Variants in MYH8 observed in about 807,000 individuals in gnomAD.
The protein encoded by MYH8 is myosin-8.
Under a neutral mutation model 233.2 loss-of-function variants are expected in MYH8, and 168 were observed. The observed-to-expected ratio is 0.72, with a 90% CI of 0.64 to 0.82. MYH8 has a LOEUF of 0.82. Ranked by LOEUF, MYH8 falls within the 40% of genes least tolerant of loss-of-function variation. MYH8 has a pLI of 0.00. For missense variants in MYH8, 1,995 were observed against 2,327.8 expected, an observed-to-expected ratio of 0.86 and a Z score of 2.94; for synonymous variants, 785 against 850.6, an observed-to-expected ratio of 0.92 and a Z score of 1.34.
intron 22 of MYH8, 106 bp downstream of exon 22, chr17:10,404,224 C>CA: frequency 7.0e-7 from 1 of 1,428,050 alleles, no homozygotes; most frequent in South Asian, 1.2e-5. Context: ...TTAAAAACAG[C>CA]AACTTGAGAT....
At chr17:10,409,240 G>A (rs1414491687) in intron 16 of MYH8, 39 bp downstream of exon 16, 2 of 1,613,406 alleles carry the variant, frequency 1.2e-6, no homozygotes, top group South Asian at 2.2e-5. Context: ...AACATTATGT[G>A]AGAATGGATT....
chr17:10,408,954 A>G (rs534927601), intron 17 of MYH8, 143 bp downstream of exon 17: 13 of 753,852 alleles, frequency 1.7e-5, no homozygotes, highest in Admixed American at 1.5e-4. Flanking sequence ...CAGGAGTAGT[A>G]TTTCTTTGGC....
intron 9 of MYH8, 128 bp downstream of exon 9, chr17:10,414,988 G>C (rs2072276350): frequency 1.2e-6 from 1 of 857,666 alleles, no homozygotes; most frequent in Admixed American, 1.7e-5. Flanking sequence ...CCTAGCATTA[G>C]CTTACAGGCA....
rs760715661 is a variant in MYH8 at position 10,396,888 on chromosome 17, T to C, written c.4277A>G (p.Asn1426Ser). The C allele has an allele frequency of 1.9e-6, 3 of 1,614,206 alleles. No homozygotes were observed. The highest frequency in any genetic ancestry group is 2.5e-6 in the Non-Finnish European group (3 of 1,180,032). ...ATCAAGCATGAGGTCTTCAACTTCA[T>C]TCTGGAGCCGCTGCTTCGTCTTCTC... is the stretch of plus-strand genomic sequence containing the variant. ...SLEKTKQRLQNEVEDLMLDVE... is the reference protein window; with the variant it reads ...SLEKTKQRLQSEVEDLMLDVE... The change falls in exon 31 of 40, where the codon AAT (asparagine) becomes AGT (serine). Residue 1426 changes from asparagine to serine, a missense_variant. This residue lies in a region of MYH8 where 1,498 missense variants were observed against 1,680.9 expected (regional missense o/e 0.89). Coordinates refer to ENST00000403437, the MANE Select transcript of MYH8 (RefSeq NM_002472.3). This position sits in a 1 kb window ranked among gnomAD's most constrained non-coding sequence, Gnocchi z 4.2.
rs1252673890 is a variant in MYH8, at chr17:10,396,283, G to T, written c.4653+47C>A. The T allele has an allele frequency of 1.9e-6, 3 of 1,606,610 alleles. No homozygotes were observed. The highest frequency in any genetic ancestry group is 8.5e-7 in the Non-Finnish European group (1 of 1,176,498). On this transcript the variant is annotated intron_variant, in intron 33 of 39. Coordinates refer to ENST00000403437, the MANE Select transcript of MYH8 (RefSeq NM_002472.3). This position sits in a 1 kb window ranked among gnomAD's most constrained non-coding sequence, Gnocchi z 4.2. Reference sequence around the variant, plus strand: ...TCACTAGCCCCACTTTTTTTTAACTGATGTTTGTCTTTGTTTTTCCATAAC... The same window carrying T: ...TCACTAGCCCCACTTTTTTTTAACTTATGTTTGTCTTTGTTTTTCCATAAC...
Position 10,400,812 on chromosome 17 carries a change from C to T in MYH8, c.3346-33G>A, listed in dbSNP as rs773854542. On this transcript the variant is annotated intron_variant, in intron 26 of 39. Coordinates refer to ENST00000403437, the MANE Select transcript of MYH8 (RefSeq NM_002472.3). This position sits in a 1 kb window ranked among gnomAD's most constrained non-coding sequence, Gnocchi z 4.0. ...TGAAAGAAGCACATAAACATAAACTCATCTCAACTTCAGTGTTTTTTTGGT... is the reference window on the plus strand; with the variant it reads ...TGAAAGAAGCACATAAACATAAACTTATCTCAACTTCAGTGTTTTTTTGGT... 1 of 1,613,972 alleles carries T rather than the reference C, an allele frequency of 6.2e-7. No individual in the cohort carries two copies. The highest frequency in any genetic ancestry group is 1.1e-5 in the South Asian group (1 of 91,080).
chr17:10,390,688 G>A, intron 39 of MYH8, 85 bp from the exon 40 acceptor site: 1 of 1,469,656 alleles, frequency 6.8e-7, no homozygotes, highest in South Asian at 1.1e-5. Flanking sequence ...CCTCAAATCA[G>A]GTATTTCCTT....
intron 21 of MYH8, among the ~76,000 whole-genome samples, chr17:10,405,456 A>G (rs1053210064): frequency 1.3e-5 from 2 of 152,214 alleles, no homozygotes; most frequent in African/African-American, 4.8e-5. Flanking sequence ...GACACAAACC[A>G]TAACGTTCAC....
intron 15 of MYH8, among the ~76,000 whole-genome samples, chr17:10,410,220 C>G (rs981208298): frequency 6.6e-6 from 1 of 152,122 alleles, no homozygotes; most frequent in Admixed American, 6.5e-5. Flanking sequence ...GAGAGGATCG[C>G]TTGAGCCTTG....
chr17:10,412,686 T>A lies in MYH8; in HGVS notation c.1190A>T (p.Asp397Val). Reference protein sequence around the residue: ...AAYLQSLNSADLLKALCYPRV... With the variant: ...AAYLQSLNSAVLLKALCYPRV... ...AGGGTAGCAGAGGGCTTTGAGTAGG[T>A]CTGCAGAGTTCAGACTCTGGAGATA... The change falls in exon 13 of 40, where the codon GAC becomes GTC. Residue 397 changes from aspartate to valine, a missense_variant. Asp to Val is a radical substitution (Grantham distance 152). Around this residue, in one of 3 missense-constraint regions of MYH8, gnomAD observed 479 missense variants for 600.9 expected, o/e 0.80. Transcript: ENST00000403437. The A allele has an allele frequency of 6.2e-7, 1 of 1,614,216 alleles. No individual in the cohort carries two copies. Among genetic ancestry groups the A allele is most frequent in the South Asian group, 1.1e-5 (1 of 91,084 alleles).
chr17:10,415,130 G>A lies in MYH8; in HGVS notation c.791C>T (p.Ala264Val), dbSNP rs2072278056. ...HFGTTGKLASADIETYLLEKS... is the reference protein window; with the variant it reads ...HFGTTGKLASVDIETYLLEKS... The stretch of plus-strand genomic sequence containing the variant: ...CTGTTACTCACATGTTTCTATATCA[G>A]CAGATGCCAGCTTCCCTGTAGTACC... Residue 264 changes from alanine to valine, a missense_variant, in exon 9 of 40, where the codon GCT (alanine) becomes GTT (valine). Coordinates refer to ENST00000403437, the MANE Select transcript of MYH8 (RefSeq NM_002472.3). The surrounding 1 kb of genome is among the most constrained non-coding windows in gnomAD (Gnocchi z 4.1). The A allele has an allele frequency of 1.2e-6, 2 of 1,612,716 alleles. No homozygotes were observed. The highest frequency in any genetic ancestry group is 2.2e-5 in the South Asian group (2 of 91,064).
intron 5 of MYH8, among the ~76,000 whole-genome samples, chr17:10,416,236 C>T (rs2072289071): frequency 6.6e-6 from 1 of 152,176 alleles, no homozygotes; most frequent in Admixed American, 6.5e-5. Context: ...GCTTATTTCA[C>T]TCAGCATGGT....
rs908654941 is a variant in MYH8, at chr17:10,418,909, C to T, written c.332G>A (p.Arg111His). The part of the protein sequence containing the change: ...EPGVLYNLKE[R>H]YAAWMIYTYS... ...CACGTAGATCATCCAGGCTGCATAG[C>T]GCTCTTTGAGGTTGTACAGCACTCC... Residue 111 changes from arginine (R) to histidine (H), a missense_variant, in exon 4 of 40, where the codon CGC (arginine) becomes CAC (histidine). Transcript: ENST00000403437. The T allele has an allele frequency of 2.4e-5, 39 of 1,613,972 alleles. No individual in the cohort carries two copies. The highest frequency in any genetic ancestry group is 3.2e-5 in the Non-Finnish European group (38 of 1,180,010).
In MYH8 at chr17:10,396,465, A is replaced by T. The variant is rs1430211396; in HGVS notation, c.4529-11T>A. ...GGTCAGAAATCTCCTCTGTGGTTGA[A>T]CAGACAGGAGAGAAATGGTCAGAAA... On this transcript the variant is annotated splice_polypyrimidine_tract_variant and intron_variant, in intron 32 of 39. Transcript: ENST00000403437. This position sits in a 1 kb window ranked among gnomAD's most constrained non-coding sequence, Gnocchi z 4.2. 1.9e-6 allele frequency: 3 copies of T among 1,613,970 alleles called. No individual in the cohort carries two copies. In the Admixed American group the frequency reaches 5.0e-5, roughly 27 times the overall value.
In MYH8 at chr17:10,414,406, T is replaced by C. The variant is rs923441604; in HGVS notation, c.884A>G (p.Asn295Ser). The C allele has an allele frequency of 1.2e-6, 2 of 1,612,468 alleles. No homozygotes were observed. The highest frequency in any genetic ancestry group is 1.7e-6 in the Non-Finnish European group (2 of 1,178,578). Residue 295 changes from asparagine to serine, a missense_variant, in exon 10 of 40, where the codon AAT becomes AGT. Around this residue, in one of 3 missense-constraint regions of MYH8, gnomAD observed 479 missense variants for 600.9 expected, o/e 0.80. Coordinates refer to ENST00000403437, the MANE Select transcript of MYH8 (RefSeq NM_002472.3). ...SYHIFYQITS[N>S]KKPDLIEMLL... ...CTTACCAATTAGATCTGGCTTCTTA[T>C]TGGAAGTGATCTGATAAAAAATATG...
Position 10,412,438 on chromosome 17 carries a change from G to T in MYH8, c.1348C>A (p.Leu450Met), listed in dbSNP as rs776386007. 6.2e-7 allele frequency: 1 copy of T among 1,614,242 alleles called. No individual in the cohort carries two copies. The highest frequency in any genetic ancestry group is 8.5e-7 in the Non-Finnish European group (1 of 1,180,048). The change falls in exon 14 of 40, where the codon CTG (leucine) becomes ATG (methionine). Residue 450 changes from leucine (L) to methionine (M), a missense_variant. Transcript: ENST00000403437. ...LWMVTRINQQ[L>M]DTKQPRQYFI... ...TACTGCCTGGGCTGCTTGGTGTCCA[G>T]CTGCTGGTTGATGCGGGTGACCATC...
At chr17:10,412,267 G>C in intron 14 of MYH8, 103 bp downstream of exon 14, 1 of 1,609,928 alleles carries the variant, frequency 6.2e-7, no homozygotes, top group Non-Finnish European at 8.5e-7. Context: ...TGCAGTGTTG[G>C]AGCAAGTAAT....
intron 23 of MYH8, 26 bp downstream of exon 23, chr17:10,401,517 A>G: frequency 6.2e-7 from 1 of 1,614,164 alleles, no homozygotes; most frequent in Non-Finnish European, 8.5e-7. Context: ...GAACCTCTAT[A>G]CAGTATTGTA....
rs1031980265 is a variant in MYH8, at chr17:10,400,717, C to T, written c.3408G>A (p.Glu1136=). ...CCCGGGAGAGGTCAGAGCGCTGCTT[C>T]TCCGCTTTGGCTCGGGACGCCCTCT... ...EAERASRAKA[E]KQRSDLSREL... The change falls in exon 27 of 40, where the codon GAG becomes GAA. Residue 1136 remains glutamate, a synonymous_variant. Coordinates refer to ENST00000403437, the MANE Select transcript of MYH8 (RefSeq NM_002472.3). This position sits in a 1 kb window ranked among gnomAD's most constrained non-coding sequence, Gnocchi z 4.0. The T allele has an allele frequency of 1.9e-6, 3 of 1,614,208 alleles. No individual in the cohort carries two copies. Among genetic ancestry groups the T allele is most frequent in the Admixed American group, 1.7e-5 (1 of 60,036 alleles).
Sources: gnomAD v4.1 joint callset for allele counts (sites outside exome capture counted in the v4.1 genomes callset) on GRCh38, gnomAD v4.1.1 for gene constraint, gnomAD v4.1.1 regional missense constraint, Gnocchi (gnomAD v3.1) non-coding constraint, MANE v1.5 for transcripts, NCBI Gene and HGNC (gene_info 2026-07-23, HGNC 2026-07-21) for gene names.